CFAP20DC: variants seen among roughly 807,000 people sequenced by gnomAD.
CFAP20DC encodes the protein protein CFAP20DC.
In CFAP20DC, 84 loss-of-function variants were observed where a neutral mutation model predicts 101.7. The ratio of observed to expected loss-of-function variants is 0.83; its 90% CI spans 0.69 to 0.99. The LOEUF is 0.99. CFAP20DC is among the 50% of genes least tolerant of loss of function. CFAP20DC has a pLI of 0.00. For synonymous variants in CFAP20DC, 359 were observed against 351.2 expected (o/e 1.02, Z -0.25); for missense variants, 1,007 against 970.3 (o/e 1.04, Z -0.50).
chr3:58,893,197 C>G (rs895239457), intron 6 of CFAP20DC, among the ~76,000 whole-genome samples: 1 of 152,076 alleles, frequency 6.6e-6, no homozygotes, highest in African/African-American at 2.4e-5. Flanking sequence ...GTGCCTGCCA[C>G]TACGCCCAGC....
chr3:58,949,537 A>G (rs1007402180), intron 4 of CFAP20DC, among the ~76,000 whole-genome samples: 4 of 151,888 alleles, frequency 2.6e-5, no homozygotes, highest in Non-Finnish European at 4.4e-5. Context: ...TCATTTCGTT[A>G]TGTATCCAGT....
intron 7 of CFAP20DC, among the ~76,000 whole-genome samples, chr3:58,875,892 A>G (rs1362217456): frequency 6.6e-6 from 1 of 152,148 alleles, no homozygotes; most frequent in East Asian, 1.9e-4. Context: ...AAATACTTCA[A>G]ATTTCTTAGA....
At chr3:59,031,064 C>T (rs1239174755) in intron 4 of CFAP20DC, among the ~76,000 whole-genome samples, 1 of 151,042 alleles carries the variant, frequency 6.6e-6, no homozygotes, top group Non-Finnish European at 1.5e-5. Context: ...CCTCGTGATC[C>T]ACACACCTTG....
intron 13 of CFAP20DC, among the ~76,000 whole-genome samples, chr3:58,839,810 G>A (rs1339725611): frequency 1.3e-5 from 2 of 152,058 alleles, no homozygotes; most frequent in South Asian, 2.1e-4. Flanking sequence ...AGTAATGGGC[G>A]CACTGTTTGC....
intron 6 of CFAP20DC, among the ~76,000 whole-genome samples, chr3:58,890,713 C>A (rs552805896): frequency 7.0e-6 from 1 of 143,526 alleles, no homozygotes; most frequent in East Asian, 2.2e-4. Context: ...TCAGACGGGG[C>A]GGCCGGGCAG....
At chr3:59,020,013 G>C (rs1284152608) in intron 4 of CFAP20DC, among the ~76,000 whole-genome samples, 4 of 152,002 alleles carry the variant, frequency 2.6e-5, no homozygotes, top group South Asian at 2.1e-4. Flanking sequence ...TATTTAGCCA[G>C]AGATTAAAAA....
intron 15 of CFAP20DC, among the ~76,000 whole-genome samples, chr3:58,767,146 T>A (rs947192001): frequency 6.6e-6 from 1 of 152,196 alleles, no homozygotes; most frequent in Non-Finnish European, 1.5e-5. Context: ...GTGTCTTTCT[T>A]AGCCAAGAAT....
intron 4 of CFAP20DC, among the ~76,000 whole-genome samples, chr3:58,982,015 AAAAC>A (rs1379239725): frequency 2.6e-5 from 4 of 152,164 alleles, no homozygotes; most frequent in South Asian, 2.1e-4. Context: ...TTACAAGAAA[AAAAC>A]AAACAACCCC....
intron 15 of CFAP20DC, among the ~76,000 whole-genome samples, chr3:58,785,216 G>T (rs2072222027): frequency 6.6e-6 from 1 of 152,096 alleles, no homozygotes; most frequent in Non-Finnish European, 1.5e-5. Context: ...ACTCATATGT[G>T]AGAGTTCAAA....
chr3:58,809,834 G>T (rs893594496), intron 14 of CFAP20DC, among the ~76,000 whole-genome samples: 6 of 151,974 alleles, frequency 3.9e-5, no homozygotes, highest in Non-Finnish European at 8.8e-5. Context: ...AAAGAGAGAA[G>T]AATCAAATAG....
intron 7 of CFAP20DC, among the ~76,000 whole-genome samples, chr3:58,870,917 A>G (rs1217691782): frequency 4.0e-5 from 6 of 150,310 alleles, no homozygotes; most frequent in South Asian, 4.2e-4. Context: ...AAAAAAAAAA[A>G]AAAAAAAGAA....
At chr3:58,850,302 T>C (rs182774302) in intron 12 of CFAP20DC, among the ~76,000 whole-genome samples, 1 of 152,094 alleles carries the variant, frequency 6.6e-6, no homozygotes, top group Non-Finnish European at 1.5e-5. Flanking sequence ...TTTAAATATA[T>C]ATGGCCAGGC....
At chr3:58,815,562 T>C (rs2075049678) in intron 14 of CFAP20DC, among the ~76,000 whole-genome samples, 1 of 150,496 alleles carries the variant, frequency 6.6e-6, no homozygotes, top group South Asian at 2.1e-4. Flanking sequence ...ACCATCAGAG[T>C]GAACAGGCAA....
At chr3:59,003,819 T>C (rs1346363157) in intron 4 of CFAP20DC, among the ~76,000 whole-genome samples, 1 of 152,182 alleles carries the variant, frequency 6.6e-6, no homozygotes, top group Admixed American at 6.5e-5. Flanking sequence ...AAACAACACA[T>C]AGTACATACA....
At chr3:58,933,629 C>G (rs1254343154) in intron 5 of CFAP20DC, among the ~76,000 whole-genome samples, 1 of 152,056 alleles carries the variant, frequency 6.6e-6, no homozygotes, top group Admixed American at 6.6e-5. Flanking sequence ...CACTCAAAAC[C>G]ACTCAACTAC....
chr3:58,951,852 A>G lies in CFAP20DC; in HGVS notation c.279-14090T>C, dbSNP rs2090148674. On this transcript the variant is annotated intron_variant, in intron 4 of 16. Transcript: ENST00000482387. ...CAGCACACCAACATGGCACATGTAT[A>G]CATATGTAACAAACCTGCACGTTGT... Among the ~76,000 whole-genome samples the G allele has an allele frequency of 2.6e-5, 4 of 152,314 alleles. No individual in the cohort carries two copies. The South Asian group carries it at 8.3e-4, about 32-fold the overall frequency.
chr3:58,915,418 G>A (rs2084583510), intron 5 of CFAP20DC, among the ~76,000 whole-genome samples: 1 of 152,058 alleles, frequency 6.6e-6, no homozygotes, highest in South Asian at 2.1e-4. Flanking sequence ...CATTATTATT[G>A]TTGTATAAAC....
rs1366242444 is a variant in CFAP20DC at position 59,047,215 on chromosome 3, T to C, written c.61A>G (p.Asn21Asp). 6 of 1,535,546 alleles carry C rather than the reference T, an allele frequency of 3.9e-6. No homozygotes were observed. The Admixed American group carries it at 1.2e-4, about 30-fold the overall frequency. ...FVEIFSAQGK[N>D]PGAKWKILGS... is the part of the protein sequence containing the mutation. ...AGGATCTTCCATTTTGCTCCAGGAT[T>C]TTTTCCTTGAGCACTGAAAATTTCA... The change falls in exon 2 of 17, where the codon AAT becomes GAT. Residue 21 changes from asparagine to aspartate, a missense_variant. Physicochemically the swap from Asn to Asp is conservative, Grantham distance 23. Coordinates refer to ENST00000482387, the MANE Select transcript of CFAP20DC (RefSeq NM_001394063.1).
intron 4 of CFAP20DC, among the ~76,000 whole-genome samples, chr3:59,021,443 G>A (rs2093800816): frequency 6.6e-6 from 1 of 152,074 alleles, no homozygotes; most frequent in African/African-American, 2.4e-5. Flanking sequence ...TGACTGTCAA[G>A]TGTCTATAAT....
Sources: allele counts gnomAD v4.1 joint callset (sites outside exome capture counted in the v4.1 genomes callset), GRCh38; gene constraint gnomAD v4.1.1; transcripts MANE v1.5; gene names NCBI Gene and HGNC (gene_info 2026-07-23, HGNC 2026-07-21).